CAPN12: variants seen among roughly 807,000 people sequenced by gnomAD.
The protein encoded by CAPN12 is calpain 12.
Under a neutral mutation model 95.0 loss-of-function variants are expected in CAPN12, and 107 were observed. The ratio of observed to expected loss-of-function variants is 1.13; its 90% CI spans 0.96 to 1.32. The LOEUF is 1.32. Ranked by LOEUF, CAPN12 falls within the 40% of genes most tolerant of loss-of-function variation. The pLI is 0.00. For synonymous variants in CAPN12, 505 were observed against 415.5 expected (o/e 1.22, Z -2.62); for missense variants, 1,136 against 997.8 (o/e 1.14, Z -1.87).
rs571867937 is a variant in CAPN12 at position 38,734,068 on chromosome 19, G to A, written c.1878+74C>T. On this transcript the variant is annotated intron_variant, in intron 17 of 20. Coordinates refer to ENST00000328867, the MANE Select transcript of CAPN12 (RefSeq NM_144691.4). Reference sequence around the variant, plus strand: ...CCCCTCGTTCCCTGGGGACCTGATAGCCCACAGGGTGCCTATGTCTCTGTT... The same window carrying A: ...CCCCTCGTTCCCTGGGGACCTGATAACCCACAGGGTGCCTATGTCTCTGTT... 78 of 1,534,964 alleles carry A rather than the reference G, an allele frequency of 5.1e-5. No individual in the cohort carries two copies. The South Asian group carries it at 8.5e-4, about 17-fold the overall frequency.
In CAPN12 at chr19:38,736,243, T is replaced by C; in HGVS notation, c.1450A>G (p.Ser484Gly). The C allele has an allele frequency of 6.7e-7, 1 of 1,485,772 alleles. No homozygotes were observed. Among genetic ancestry groups the C allele is most frequent in the Non-Finnish European group, 8.9e-7 (1 of 1,124,862 alleles). The allele number at this position is 1,485,772 out of a possible 1,614,324, so 92.0% of individuals were successfully genotyped here. Residue 484 changes from serine (S) to glycine (G), a missense_variant, in exon 12 of 21, where the codon AGC becomes GGC. Ser to Gly is a moderately conservative substitution (Grantham distance 56). Coordinates refer to ENST00000328867, the MANE Select transcript of CAPN12 (RefSeq NM_144691.4). ...CGGCGGGTCACGTCGCGGCGGGCGC[T>C]GAGGGGCGAGCGGTCGGCGCGCAGC... is the stretch of plus-strand genomic sequence containing the variant. ...RLLRADRSPL[S>G]ARRDVTRRCC...
Position 38,731,030 on chromosome 19 carries a change from A to G in CAPN12, c.2075-7T>C. 6.4e-7 allele frequency: 1 copy of G among 1,555,344 alleles called. No individual in the cohort carries two copies. The highest frequency in any genetic ancestry group is 8.7e-7 in the Non-Finnish European group (1 of 1,149,998). On this transcript the variant is annotated splice_region_variant and splice_polypyrimidine_tract_variant and intron_variant, in intron 19 of 20. Coordinates refer to ENST00000328867, the MANE Select transcript of CAPN12 (RefSeq NM_144691.4). ...AGGTGCTGGCTGCAGTGGCCTGTGC[A>G]GAGAGGGGCAGGGTGAGTGCCCACC... is the stretch of plus-strand genomic sequence containing the variant.
At chr19:38,741,593 A>G (rs1287969108) in intron 4 of CAPN12, among the ~76,000 whole-genome samples, 184 bp downstream of exon 4, 1 of 151,946 alleles carries the variant, frequency 6.6e-6, no homozygotes, top group South Asian at 2.1e-4. Flanking sequence ...AAAGAAAAAA[A>G]AAAAAAACAT....
At position 38,736,192 on chromosome 19, in the gene CAPN12, G is replaced by GGTAGTGGCCTGGACGCAGGCA. The variant is rs1394725589; in HGVS notation, c.1480_1500dup (p.Cys494_Tyr500dup). Reference sequence around the variant, plus strand: ...GCGTGGGCGGTGCTCGGCACCACCAGGTAGTGGCCTGGACGCAGGCAGCAG... The same window carrying GGTAGTGGCCTGGACGCAGGCA: ...GCGTGGGCGGTGCTCGGCACCACCAGGTAGTGGCCTGGACGCAGGCAGTAGTGGCCTGGACGCAGGCAGCAG... On this transcript the variant is annotated inframe_insertion, in exon 12 of 21. Coordinates refer to ENST00000328867, the MANE Select transcript of CAPN12 (RefSeq NM_144691.4). 2 of 1,513,186 alleles carry GGTAGTGGCCTGGACGCAGGCA rather than the reference G, an allele frequency of 1.3e-6. No individual in the cohort carries two copies. The highest frequency in any genetic ancestry group is 8.8e-7 in the Non-Finnish European group (1 of 1,135,158). 93.7% of individuals were successfully genotyped at this position (1,513,186 alleles called of 1,614,324 possible). A position where few individuals can be genotyped will look rare whatever the true frequency, so the allele number is the denominator to read the frequency against.
intron 18 of CAPN12, chr19:38,731,658 T>C (rs1433834532): frequency 4.8e-6 from 1 of 209,596 alleles, no homozygotes; most frequent in African/African-American, 2.2e-5. Flanking sequence ...CTGTGGAGTC[T>C]CATTGGAGGC....
intron 3 of CAPN12, 59 bp from the exon 4 acceptor site, chr19:38,741,969 C>G (rs1293254746): frequency 6.3e-7 from 1 of 1,587,562 alleles, no homozygotes; most frequent in Non-Finnish European, 8.6e-7. Flanking sequence ...TGCCTGGGCC[C>G]TGCCTCTGCT....
chr19:38,734,159 A>C lies in CAPN12; in HGVS notation c.1861T>G (p.Tyr621Asp). 1 of 1,613,032 alleles carries C rather than the reference A, an allele frequency of 6.2e-7. No homozygotes were observed. The stretch of plus-strand genomic sequence containing the variant: ...CACCTCACCTGCCACTCCAGGAGGT[A>C]GCCCCAGAGCTGCTGGAAGTGGTGT... ...ALHHFQQLWG[Y>D]LLEWQAIFNK... Residue 621 changes from tyrosine (Y) to aspartate (D), a missense_variant, in exon 17 of 21, where the codon TAC becomes GAC. By Grantham distance (160) the Tyr-to-Asp change is radical (BLOSUM62 -3). Coordinates refer to ENST00000328867, the MANE Select transcript of CAPN12 (RefSeq NM_144691.4).
At chr19:38,742,086 G>A (rs1327041229) in intron 3 of CAPN12, among the ~76,000 whole-genome samples, 176 bp from the exon 4 acceptor site, 3 of 152,154 alleles carry the variant, frequency 2.0e-5, no homozygotes, top group Non-Finnish European at 4.4e-5. Flanking sequence ...AGCACTTTGG[G>A]AGGCCGAGGC....
rs778832074 is a variant in CAPN12 at position 38,740,219 on chromosome 19, C to T, written c.561G>A (p.Lys187=). Residue 187 remains lysine (K), a splice_region_variant and synonymous_variant, in exon 5 of 21, where the codon AAG becomes AAA. Coordinates refer to ENST00000328867, the MANE Select transcript of CAPN12 (RefSeq NM_144691.4). The part of the protein sequence containing the change: ...WAPLLEKAYA[K]LHGSYEVMRG... The stretch of plus-strand genomic sequence containing the variant: ...GCATCACCTCATAGGAGCCGTGGAG[C>T]CTGTGGGGGCAGATCTGGGGTGAGG... 3.7e-6 allele frequency: 6 copies of T among 1,600,312 alleles called. No homozygotes were observed. Among genetic ancestry groups the T allele is most frequent in the Admixed American group, 1.7e-5 (1 of 58,450 alleles).
At chr19:38,735,037 C>G in intron 14 of CAPN12, 167 bp from the exon 15 acceptor site, 1 of 660,994 alleles carries the variant, frequency 1.5e-6, no homozygotes. Flanking sequence ...GGGGGAAGCA[C>G]TGGGCTGTGG....
In CAPN12 at chr19:38,744,108, C is replaced by T. The variant is rs1398968135; in HGVS notation, c.58G>A (p.Gly20Arg). Residue 20 changes from glycine (G) to arginine (R), a missense_variant, in exon 1 of 21, where the codon GGA (glycine) becomes AGA (arginine). Gly to Arg is a moderately radical substitution (Grantham distance 125, BLOSUM62 -2). Coordinates refer to ENST00000328867, the MANE Select transcript of CAPN12 (RefSeq NM_144691.4). Reference protein sequence around the residue: ...IQLVDEEAGVGAGRLQLFRGQ... With the variant: ...IQLVDEEAGVRAGRLQLFRGQ... ...CGAAAAAGCTGCAGGCGCCCGGCTC[C>T]GACCCCAGCCTCCTCATCCACGAGC... The T allele has an allele frequency of 9.3e-6, 15 of 1,614,138 alleles. No individual in the cohort carries two copies. The highest frequency in any genetic ancestry group is 1.7e-5 in the Admixed American group (1 of 60,026).
chr19:38,738,101 A>T (rs1344430673), intron 8 of CAPN12, among the ~76,000 whole-genome samples, 172 bp downstream of exon 8: 1 of 152,158 alleles, frequency 6.6e-6, no homozygotes, highest in Non-Finnish European at 1.5e-5. Context: ...AGGTTCTCTA[A>T]TATTACTACC....
chr19:38,732,708 T>C (rs561912997), intron 18 of CAPN12, among the ~76,000 whole-genome samples: 1 of 152,276 alleles, frequency 6.6e-6, no homozygotes, highest in East Asian at 1.9e-4. Context: ...ACCCTCTCCC[T>C]CTGGCTCTCC....
At chr19:38,742,958 C>A in intron 2 of CAPN12, 75 bp downstream of exon 2, 1 of 1,449,136 alleles carries the variant, frequency 6.9e-7, no homozygotes, top group Non-Finnish European at 9.6e-7. Context: ...AGTGGGTGGA[C>A]AAAGGGATGG....
rs778241234 is a variant in CAPN12, at chr19:38,735,482, C to T, written c.1626+20G>A. ...GCCAAGATCCCCGCCCCATGCCGCC[C>T]CTCCAGGAACAGTCCCCACCTGGAG... On this transcript the variant is annotated intron_variant, in intron 13 of 20. Coordinates refer to ENST00000328867, the MANE Select transcript of CAPN12 (RefSeq NM_144691.4). 3.9e-5 allele frequency: 63 copies of T among 1,610,788 alleles called. No individual in the cohort carries two copies. The highest frequency in any genetic ancestry group is 5.1e-5 in the Non-Finnish European group (60 of 1,179,256).
chr19:38,734,648 G>A (rs1282589842), intron 15 of CAPN12, 165 bp downstream of exon 15: 1 of 682,534 alleles, frequency 1.5e-6, no homozygotes, highest in Non-Finnish European at 2.4e-6. Flanking sequence ...AGGTCACGGG[G>A]CCCACACAAG....
In CAPN12 at chr19:38,744,122, T is replaced by C; in HGVS notation, c.44A>G (p.Glu15Gly). ...GCGCCCGGCTCCGACCCCAGCCTCC[T>C]CATCCACGAGCTGGATGGTGACCCT... ...SGRVTIQLVD[E>G]EAGVGAGRLQ... The change falls in exon 1 of 21, where the codon GAG becomes GGG. Residue 15 changes from glutamate to glycine, a missense_variant. Glu to Gly is a moderately conservative substitution (Grantham distance 98). Transcript: ENST00000328867. The C allele has an allele frequency of 6.2e-7, 1 of 1,614,108 alleles. No homozygotes were observed.
At chr19:38,741,674 G>A in intron 4 of CAPN12, 103 bp downstream of exon 4, 2 of 1,415,270 alleles carry the variant, frequency 1.4e-6, no homozygotes, top group East Asian at 4.8e-5. Flanking sequence ...TCTTGGTGGG[G>A]TGTTTGGAGG....
In CAPN12 at chr19:38,730,289, A is replaced by AGAC. The variant is rs1335929787; in HGVS notation, c.*560_*562dup. 1 of 162,570 alleles carries AGAC rather than the reference A, an allele frequency of 6.2e-6. No individual in the cohort carries two copies. The highest frequency in any genetic ancestry group is 1.8e-4 in the East Asian group (1 of 5,460). 10.1% of individuals were successfully genotyped at this position (162,570 alleles called of 1,614,324 possible). On this transcript the variant is annotated 3_prime_UTR_variant, in exon 21 of 21. Coordinates refer to ENST00000328867, the MANE Select transcript of CAPN12 (RefSeq NM_144691.4). Reference sequence around the variant, plus strand: ...GCCGTCTCTCCTGCTCTCATAATGAAGACATAGCCGATTCTCTGCCCGGGC... The same window carrying AGAC: ...GCCGTCTCTCCTGCTCTCATAATGAAGACGACATAGCCGATTCTCTGCCCGGGC...
Sources: allele counts gnomAD v4.1 joint callset (sites outside exome capture counted in the v4.1 genomes callset), GRCh38; gene constraint gnomAD v4.1.1; transcripts MANE v1.5; gene names NCBI Gene and HGNC (gene_info 2026-07-23, HGNC 2026-07-21).